The following NOL4 variants were observed in gnomAD, a reference collection of about 807,000 sequenced individuals.
NOL4 encodes cancer/testis antigen 125.
Under a neutral mutation model 75.9 loss-of-function variants are expected in NOL4, and 17 were observed. The ratio of observed to expected loss-of-function variants is 0.22; its 90% confidence interval spans 0.15 to 0.34. The LOEUF is 0.34. NOL4 is among the 10% of genes least tolerant of loss of function. The pLI is 1.00. For missense variants in NOL4, 614 were observed against 793.5 expected (o/e 0.77, Z 2.72); for synonymous variants, 292 against 289.9 (o/e 1.01, Z -0.07).
chr18:34,053,121 A>G (rs2076691851), intron 5 of NOL4, among the ~76,000 whole-genome samples: 1 of 151,970 alleles, frequency 6.6e-6, no homozygotes, highest in East Asian at 1.9e-4. Flanking sequence ...AACTTTTGGA[A>G]CTCTTAAAAT....
intron 5 of NOL4, among the ~76,000 whole-genome samples, chr18:34,046,618 A>ATATATATATATATATATG (rs2076384834): frequency 2.6e-5 from 3 of 114,416 alleles, no homozygotes; most frequent in Non-Finnish European, 6.1e-5. Context: ...ATATATATAT[A>ATATATATATATATATATG]TATATATATA....
At chr18:33,924,690 A>G (rs1019456028) in intron 9 of NOL4, among the ~76,000 whole-genome samples, 2 of 152,228 alleles carry the variant, frequency 1.3e-5, no homozygotes, top group African/African-American at 4.8e-5. Flanking sequence ...GAGTCAAACA[A>G]TTGTTGAGTG....
At chr18:34,074,169 T>C (rs2145301830) in intron 5 of NOL4, among the ~76,000 whole-genome samples, 1 of 151,984 alleles carries the variant, frequency 6.6e-6, no homozygotes, top group African/African-American at 2.4e-5. Flanking sequence ...ATTTTGGTAA[T>C]ATTTAACATT....
chr18:33,909,292 C>T (rs2145113332), intron 9 of NOL4, among the ~76,000 whole-genome samples: 1 of 152,180 alleles, frequency 6.6e-6, no homozygotes. Context: ...TTTACTTTAT[C>T]TGCATAATTT....
chr18:33,877,851 T>TGC lies in NOL4; in HGVS notation c.1723+5391_1723+5392dup, dbSNP rs1555641507. ...TTGTGTGTGTGTGTGTGTGTGTGTG[T>TGC]GCGCTATCATACATGCTTCAGAGGT... is the stretch of plus-strand genomic sequence containing the variant. On this transcript the variant is annotated intron_variant, in intron 10 of 10. Transcript: ENST00000261592. Among the ~76,000 whole-genome samples the TGC allele has an allele frequency of 1.2e-4, 18 of 148,608 alleles. 1 individual carries two copies. Among genetic ancestry groups the TGC allele is most frequent in the Middle Eastern group, 3.5e-3 (1 of 284 alleles).
At chr18:33,865,702 A>T (rs1211042796) in intron 10 of NOL4, among the ~76,000 whole-genome samples, 1 of 152,134 alleles carries the variant, frequency 6.6e-6, no homozygotes, top group Non-Finnish European at 1.5e-5. Flanking sequence ...CTTTGATTAG[A>T]GAAAAGATTG....
chr18:33,960,046 G>T (rs1298265064), intron 6 of NOL4, among the ~76,000 whole-genome samples: 2 of 151,994 alleles, frequency 1.3e-5, no homozygotes, highest in Admixed American at 6.6e-5. Flanking sequence ...TATTTTATAA[G>T]TGATTTCCCC....
chr18:34,152,711 C>A (rs147819359), intron 1 of NOL4, among the ~76,000 whole-genome samples: 1 of 151,868 alleles, frequency 6.6e-6, no homozygotes, highest in East Asian at 1.9e-4. Context: ...ACTCTGAGGG[C>A]AAATGCTGAA....
At chr18:34,174,592 T>C (rs2033363226) in intron 1 of NOL4, among the ~76,000 whole-genome samples, 2 of 151,976 alleles carry the variant, frequency 1.3e-5, no homozygotes, top group South Asian at 4.1e-4. Flanking sequence ...TTATATTACA[T>C]AGATAGATAG....
intron 2 of NOL4, among the ~76,000 whole-genome samples, chr18:34,116,748 A>G (rs951007434): frequency 6.6e-6 from 1 of 152,206 alleles, no homozygotes; most frequent in Admixed American, 6.5e-5. Context: ...ACTGTGTATC[A>G]TAAGTATGTA....
chr18:33,961,712 G>A (rs74327710), intron 6 of NOL4, among the ~76,000 whole-genome samples: 2,545 of 152,124 alleles, frequency 0.017, 69 homozygotes, highest in African/African-American at 0.057. Flanking sequence ...GAGAAGAGTG[G>A]TAGAGAAGTT....
chr18:34,003,874 G>A (rs2073881644), intron 6 of NOL4, among the ~76,000 whole-genome samples: 1 of 151,990 alleles, frequency 6.6e-6, no homozygotes, highest in South Asian at 2.1e-4. Flanking sequence ...GGGAAGTGGG[G>A]GGTCAGACGT....
chr18:34,035,885 A>T (rs937000628), intron 5 of NOL4, among the ~76,000 whole-genome samples: 2 of 152,264 alleles, frequency 1.3e-5, no homozygotes, highest in Non-Finnish European at 2.9e-5. Context: ...TAGGAAATGG[A>T]TAATTTTCTG....
At chr18:33,889,605 T>C (rs760119037) in intron 9 of NOL4, among the ~76,000 whole-genome samples, 16 of 152,098 alleles carry the variant, frequency 1.1e-4, no homozygotes, top group Non-Finnish European at 1.5e-5. Context: ...TTTAGGCCAA[T>C]ATCCCTAATG....
intron 5 of NOL4, among the ~76,000 whole-genome samples, chr18:34,054,354 A>T (rs2076745329): frequency 6.6e-6 from 1 of 151,934 alleles, no homozygotes; most frequent in Non-Finnish European, 1.5e-5. Context: ...CAATTCTGCC[A>T]ATGTTTGCTT....
chr18:34,045,992 TTATGCAAATATA>T (rs2076346848), intron 5 of NOL4, among the ~76,000 whole-genome samples: 1 of 152,158 alleles, frequency 6.6e-6, no homozygotes, highest in Admixed American at 6.5e-5. Flanking sequence ...CATTATACCA[TTATGCAAATATA>T]TATTAATGTT....
intron 1 of NOL4, among the ~76,000 whole-genome samples, chr18:34,171,797 A>G (rs2033066793): frequency 1.3e-5 from 2 of 152,258 alleles, no homozygotes; most frequent in South Asian, 4.1e-4. Flanking sequence ...TCTGACCATG[A>G]CTTTTATCAA....
intron 1 of NOL4, among the ~76,000 whole-genome samples, chr18:34,156,483 C>T (rs754313336): frequency 2.6e-5 from 4 of 152,036 alleles, no homozygotes; most frequent in African/African-American, 4.8e-5. Flanking sequence ...AACTATCATT[C>T]AGTTAAGGTT....
chr18:34,095,660 C>T (rs976682102), intron 4 of NOL4, among the ~76,000 whole-genome samples: 1 of 151,976 alleles, frequency 6.6e-6, no homozygotes, highest in African/African-American at 2.4e-5. Context: ...AGAACAATGT[C>T]AGGTACATGA....
Sources: allele counts gnomAD v4.1 joint callset (sites outside exome capture counted in the v4.1 genomes callset), GRCh38; gene constraint gnomAD v4.1.1; transcripts MANE v1.5; gene names NCBI Gene and HGNC (gene_info 2026-07-23, HGNC 2026-07-21).